Variants in KLHL32 observed in about 807,000 individuals in gnomAD.
KLHL32 encodes kelch-like protein 32.
A neutral mutation model predicts 64.8 loss-of-function variants in KLHL32; 35 were observed. That is an observed-to-expected ratio of 0.54 (90% CI 0.41 to 0.72). KLHL32 has a LOEUF of 0.72. KLHL32 is among the 30% of genes least tolerant of loss of function. KLHL32 has a pLI of 0.00. For missense variants in KLHL32, 589 were observed against 768.5 expected, an observed-to-expected ratio of 0.77 and a Z score of 2.76; for synonymous variants, 259 against 281.0, an observed-to-expected ratio of 0.92 and a Z score of 0.78.
chr6:97,082,997 G>T (rs913957800), intron 5 of KLHL32, among the ~76,000 whole-genome samples: 2 of 152,232 alleles, frequency 1.3e-5, no homozygotes, highest in East Asian at 3.9e-4. Flanking sequence ...GCTCTCCCCC[G>T]CAACCTACTG....
In KLHL32 at chr6:97,130,828, G is replaced by C. The variant is rs1284443868; in HGVS notation, c.1485G>C (p.Lys495Asn). The C allele has an allele frequency of 6.2e-7, 1 of 1,614,108 alleles. No individual in the cohort carries two copies. Among genetic ancestry groups the C allele is most frequent in the South Asian group, 1.1e-5 (1 of 91,082 alleles). ...ATTCCATGGCTGCTGTACAAAGGAA[G>C]CTTTATGTTCTTGGAGGCAATGACC... ...VYHSMAAVQRKLYVLGGNDLD... is the reference protein window; with the variant it reads ...VYHSMAAVQRNLYVLGGNDLD... The change falls in exon 9 of 11, where the codon AAG (lysine) becomes AAC (asparagine). Residue 495 changes from lysine to asparagine, a missense_variant. Lys to Asn is a moderately conservative substitution (Grantham distance 94, BLOSUM62 0). Transcript: ENST00000369261.
chr6:96,913,832 A>G, the KLHL32 span, among the ~76,000 whole-genome samples: 1 of 151,982 alleles, frequency 6.6e-6, no homozygotes, highest in South Asian at 2.1e-4. Flanking sequence ...GTCATGGGGG[A>G]AGGGTGTGGT....
In KLHL32 at chr6:97,085,359, G is replaced by A. The variant is rs752950168; in HGVS notation, c.627+18G>A. On this transcript the variant is annotated intron_variant, in intron 6 of 10. Coordinates refer to ENST00000369261, the MANE Select transcript of KLHL32 (RefSeq NM_052904.4). ...TCTGGCAGGTAAGGGCGCTGTGCACGGTCGCTTTTGGCACTGAAAAAGCAT... is the reference window on the plus strand; with the variant it reads ...TCTGGCAGGTAAGGGCGCTGTGCACAGTCGCTTTTGGCACTGAAAAAGCAT... 3.1e-6 allele frequency: 5 copies of A among 1,605,776 alleles called. No homozygotes were observed. Among genetic ancestry groups the A allele is most frequent in the South Asian group, 1.1e-5 (1 of 90,792 alleles).
intron 1 of KLHL32, among the ~76,000 whole-genome samples, chr6:96,956,181 G>A (rs1484451816): frequency 6.6e-6 from 1 of 152,104 alleles, no homozygotes; most frequent in Non-Finnish European, 1.5e-5. Flanking sequence ...AGAAAGACCT[G>A]CCCCCATGAT....
In KLHL32 at chr6:97,140,218, A is replaced by ACTT. The variant is rs1438958011; in HGVS notation, c.*937_*939dup. The ACTT allele has an allele frequency of 7.3e-6, 1 of 136,414 alleles. No homozygotes were observed. The allele number at this position is 136,414 out of a possible 1,614,324, so 8.5% of individuals were successfully genotyped here. A position where few individuals can be genotyped will look rare whatever the true frequency, so the allele number is the denominator to read the frequency against. ...AATCTAAACTTGTACAGGTATCTAA[A>ACTT]CTTGCCTCAAGTAACTCTCAGATGT... On this transcript the variant is annotated 3_prime_UTR_variant, in exon 11 of 11. Transcript: ENST00000369261.
At chr6:96,946,795 C>A (rs1289906619) in intron 1 of KLHL32, among the ~76,000 whole-genome samples, 3 of 152,020 alleles carry the variant, frequency 2.0e-5, no homozygotes, top group Non-Finnish European at 2.9e-5. Flanking sequence ...TACTATTCCT[C>A]TGGATTGGCT....
chr6:96,908,655 G>A, the KLHL32 span, among the ~76,000 whole-genome samples: 1 of 152,130 alleles, frequency 6.6e-6, no homozygotes, highest in Non-Finnish European at 1.5e-5. Flanking sequence ...TGATCACTTT[G>A]AATTATAGGA....
chr6:96,951,075 A>G (rs1307388394), intron 1 of KLHL32, among the ~76,000 whole-genome samples: 8 of 152,240 alleles, frequency 5.3e-5, no homozygotes, highest in Admixed American at 3.9e-4. Context: ...CCTGATCTAA[A>G]CATAAAGTGG....
At chr6:96,942,688 T>TGA in intron 1 of KLHL32, among the ~76,000 whole-genome samples, 1 of 151,026 alleles carries the variant, frequency 6.6e-6, no homozygotes, top group East Asian at 2.0e-4. Context: ...TGTGTGTGTG[T>TGA]GTGATTCAGA....
At chr6:96,941,568 A>G (rs970489312) in intron 1 of KLHL32, among the ~76,000 whole-genome samples, 1 of 152,194 alleles carries the variant, frequency 6.6e-6, no homozygotes, top group African/African-American at 2.4e-5. Context: ...GAGGTTTGAT[A>G]TGATGTGATG....
intron 1 of KLHL32, among the ~76,000 whole-genome samples, chr6:96,925,297 G>A (rs989412157): frequency 2.0e-5 from 3 of 152,142 alleles, no homozygotes; most frequent in Admixed American, 2.0e-4. Context: ...AACATCAGCC[G>A]TGGGACATCT....
intron 5 of KLHL32, 151 bp downstream of exon 5, chr6:97,064,877 A>C: frequency 1.6e-6 from 1 of 627,826 alleles, no homozygotes; most frequent in Non-Finnish European, 2.8e-6. Flanking sequence ...CAAGCTGAGA[A>C]GTTCCTAGGA....
intron 3 of KLHL32, among the ~76,000 whole-genome samples, chr6:97,033,845 A>G (rs1613588): frequency 0.18 from 27,364 of 151,896 alleles, 2,949 homozygotes; most frequent in African/African-American, 0.31. Flanking sequence ...GTCTATTCAG[A>G]TCCTGTGACC....
At chr6:96,954,777 G>T (rs1773063096) in intron 1 of KLHL32, among the ~76,000 whole-genome samples, 1 of 152,188 alleles carries the variant, frequency 6.6e-6, no homozygotes, top group East Asian at 1.9e-4. Flanking sequence ...GAGACGGACA[G>T]TAACCATGTA....
chr6:96,978,828 A>C (rs1196566959), intron 3 of KLHL32, among the ~76,000 whole-genome samples: 2 of 152,138 alleles, frequency 1.3e-5, no homozygotes, highest in Non-Finnish European at 2.9e-5. Context: ...CTTTTTAATC[A>C]TAGTCATTCT....
chr6:96,998,110 A>G (rs1283846070), intron 3 of KLHL32, among the ~76,000 whole-genome samples: 2 of 152,152 alleles, frequency 1.3e-5, no homozygotes, highest in South Asian at 2.1e-4. Flanking sequence ...CTCAACCTCC[A>G]TTGAGTCTGT....
At chr6:97,101,628 A>G (rs1795738535) in intron 6 of KLHL32, among the ~76,000 whole-genome samples, 1 of 152,212 alleles carries the variant, frequency 6.6e-6, no homozygotes, top group Non-Finnish European at 1.5e-5. Context: ...TCATTCATTC[A>G]TGCATTCGTT....
At chr6:97,075,923 G>T (rs906450630) in intron 5 of KLHL32, among the ~76,000 whole-genome samples, 5 of 152,080 alleles carry the variant, frequency 3.3e-5, no homozygotes, top group African/African-American at 9.7e-5. Context: ...AATATTTTTT[G>T]ATCTCCATAG....
At chr6:97,052,153 T>G (rs1052503976) in intron 4 of KLHL32, among the ~76,000 whole-genome samples, 1 of 152,224 alleles carries the variant, frequency 6.6e-6, no homozygotes, top group Non-Finnish European at 1.5e-5. Flanking sequence ...TCCTTTATAT[T>G]TCAGTGTGTA....
Sources: allele counts gnomAD v4.1 joint callset (sites outside exome capture counted in the v4.1 genomes callset), GRCh38; gene constraint gnomAD v4.1.1; transcripts MANE v1.5; gene names NCBI Gene and HGNC (gene_info 2026-07-23, HGNC 2026-07-21).